Variants in AP3B1 observed in about 807,000 individuals in gnomAD.
AP3B1 encodes the protein AP-3 complex subunit beta-1.
In AP3B1, 61 loss-of-function variants were observed where a neutral mutation model predicts 132.5. The observed-to-expected ratio is 0.46, with a 90% CI of 0.37 to 0.57. AP3B1 has a LOEUF of 0.57. Among genes scored for constraint, AP3B1 ranks in the 20% least tolerant of loss-of-function variants. The probability of loss-of-function intolerance (pLI) is 0.00; values close to 1 mark genes in which losing one functional copy is unlikely to be tolerated. For missense variants in AP3B1, 1,120 were observed against 1,289.4 expected, an observed-to-expected ratio of 0.87 and a Z score of 2.01; for synonymous variants, 388 against 438.3, an observed-to-expected ratio of 0.89 and a Z score of 1.43.
chr5:78,152,834 C>G (rs1753729161), intron 14 of AP3B1, among the ~76,000 whole-genome samples: 1 of 152,012 alleles, frequency 6.6e-6, no homozygotes, highest in Non-Finnish European at 1.5e-5. Context: ...GTTTAATTTC[C>G]ATATGTTTAT....
At chr5:78,040,929 C>T (rs1352671160) in intron 22 of AP3B1, among the ~76,000 whole-genome samples, 1 of 152,146 alleles carries the variant, frequency 6.6e-6, no homozygotes, top group Non-Finnish European at 1.5e-5. Flanking sequence ...ATCATCAAAA[C>T]ATAGTATTCT....
At chr5:78,232,844 C>A (rs1746704838) in intron 3 of AP3B1, among the ~76,000 whole-genome samples, 1 of 151,908 alleles carries the variant, frequency 6.6e-6, no homozygotes, top group Non-Finnish European at 1.5e-5. Context: ...AAAGTTGGGA[C>A]CACAGGTGCA....
intron 1 of AP3B1, among the ~76,000 whole-genome samples, chr5:78,270,479 A>T (rs1044419860): frequency 1.3e-5 from 2 of 152,202 alleles, no homozygotes; most frequent in African/African-American, 4.8e-5. Flanking sequence ...TGCCCAAAAA[A>T]GGATGTATAA....
At chr5:78,264,174 C>T (rs973677104) in intron 2 of AP3B1, among the ~76,000 whole-genome samples, 1 of 152,238 alleles carries the variant, frequency 6.6e-6, no homozygotes, top group South Asian at 2.1e-4. Context: ...TGATGCATGA[C>T]TGTATTGAAT....
chr5:78,193,500 T>G (rs1037138412), intron 7 of AP3B1, among the ~76,000 whole-genome samples: 2 of 151,724 alleles, frequency 1.3e-5, no homozygotes, highest in Non-Finnish European at 2.9e-5. Context: ...TTTCCACTTA[T>G]TCCACTTGGT....
intron 26 of AP3B1, among the ~76,000 whole-genome samples, chr5:78,004,897 C>T (rs113095962): frequency 2.5e-4 from 38 of 152,274 alleles, no homozygotes; most frequent in Admixed American, 8.5e-4. Context: ...GCTTTTCAGA[C>T]GTACACATGA....
intron 17 of AP3B1, among the ~76,000 whole-genome samples, chr5:78,123,926 T>C (rs775220384): frequency 6.6e-5 from 10 of 152,170 alleles, no homozygotes; most frequent in Non-Finnish European, 1.0e-4. Context: ...CTATTCACAA[T>C]AGCAAAGACT....
At position 78,116,196 on chromosome 5, in the gene AP3B1, C is replaced by A. The variant is rs781781671; in HGVS notation, c.2007G>T (p.Glu669Asp). Reference protein sequence around the residue: ...EWTPAGKAKQENSAKKFYSES... With the variant: ...EWTPAGKAKQDNSAKKFYSES... Reference sequence around the variant, plus strand: ...CAGAATAAAACTTCTTAGCAGAATTCTCTTGCTTTGCTTTTCCTGCTGGGG... The same window carrying A: ...CAGAATAAAACTTCTTAGCAGAATTATCTTGCTTTGCTTTTCCTGCTGGGG... The change falls in exon 18 of 27, where the codon GAG becomes GAT. Residue 669 changes from glutamate (E) to aspartate (D), a missense_variant. Physicochemically the swap from Glu to Asp is conservative, Grantham distance 45. Around this residue, in one of 3 missense-constraint regions of AP3B1, gnomAD observed 906 missense variants for 997.1 expected, o/e 0.91. Transcript: ENST00000255194. 4.3e-6 allele frequency: 7 copies of A among 1,613,802 alleles called. No homozygotes were observed. In the East Asian group the frequency reaches 8.9e-5, roughly 21 times the overall value.
intron 2 of AP3B1, 82 bp from the exon 3 acceptor site, chr5:78,241,018 G>A (rs568758089): frequency 1.3e-5 from 13 of 963,902 alleles, no homozygotes; most frequent in East Asian, 5.2e-5. Flanking sequence ...AATAAGCTAC[G>A]TAATTAACCG....
chr5:78,118,825 A>G (rs996048283), intron 17 of AP3B1, among the ~76,000 whole-genome samples: 3 of 152,118 alleles, frequency 2.0e-5, no homozygotes, highest in African/African-American at 7.2e-5. Flanking sequence ...TGAAGAGAGG[A>G]GTGGTTTTCC....
At chr5:78,239,065 G>T (rs369088964) in intron 3 of AP3B1, among the ~76,000 whole-genome samples, 1 of 151,772 alleles carries the variant, frequency 6.6e-6, no homozygotes, top group African/African-American at 2.4e-5. Flanking sequence ...AAAAATAAAG[G>T]ATTTTTTTAT....
intron 3 of AP3B1, among the ~76,000 whole-genome samples, chr5:78,236,820 G>A (rs751616195): frequency 6.6e-5 from 10 of 151,896 alleles, no homozygotes; most frequent in Admixed American, 2.6e-4. Flanking sequence ...CAGATATTTG[G>A]ACTTTCTTAT....
chr5:78,233,485 C>T (rs1221416635), intron 3 of AP3B1, among the ~76,000 whole-genome samples: 2 of 151,006 alleles, frequency 1.3e-5, no homozygotes, highest in East Asian at 3.9e-4. Context: ...TCCGCCCACC[C>T]CGGCCTCCCA....
rs941221094 is a variant in AP3B1, at chr5:78,294,668, C to G, written c.-89G>C. 7 of 1,598,666 alleles carry G rather than the reference C, an allele frequency of 4.4e-6. No individual in the cohort carries two copies. The highest frequency in any genetic ancestry group is 3.3e-5 in the Admixed American group (2 of 59,936). On this transcript the variant is annotated 5_prime_UTR_variant, in exon 1 of 27. Transcript: ENST00000255194. ...CAGAGGGCACGGAACAAAACTAGTTCTCGTACGGAGGAGCGCGCGCAGGCG... is the reference window on the plus strand; with the variant it reads ...CAGAGGGCACGGAACAAAACTAGTTGTCGTACGGAGGAGCGCGCGCAGGCG...
At chr5:78,160,193 C>G (rs1039646948) in intron 13 of AP3B1, among the ~76,000 whole-genome samples, 4 of 152,070 alleles carry the variant, frequency 2.6e-5, no homozygotes, top group African/African-American at 7.2e-5. Context: ...AATAAATATC[C>G]TATTAATATA....
In AP3B1 at chr5:78,099,663, G is replaced by A. The variant is rs537272518; in HGVS notation, c.2470+1290C>T. Among the ~76,000 whole-genome samples, 11 of 152,292 alleles carry A rather than the reference G, an allele frequency of 7.2e-5. No individual in the cohort carries two copies. The South Asian group carries it at 2.1e-3, about 29-fold the overall frequency. The stretch of plus-strand genomic sequence containing the variant: ...TGTAATCCCAGCACGTTGGGAAGCC[G>A]AGGTGGGTGGATCACGAGGTCAGGA... On this transcript the variant is annotated intron_variant, in intron 21 of 26. Transcript: ENST00000255194.
chr5:78,199,810 A>G (rs1350266156), intron 7 of AP3B1, among the ~76,000 whole-genome samples: 1 of 152,170 alleles, frequency 6.6e-6, no homozygotes, highest in Non-Finnish European at 1.5e-5. Flanking sequence ...GTAGAAAACT[A>G]GATCTCCACA....
intron 21 of AP3B1, among the ~76,000 whole-genome samples, chr5:78,094,295 C>G (rs1750676965): frequency 6.6e-6 from 1 of 152,084 alleles, no homozygotes; most frequent in Admixed American, 6.5e-5. Flanking sequence ...TATCCTAGAA[C>G]AAATGTTTTC....
chr5:78,039,788 A>AAAAAG (rs1347109237), intron 22 of AP3B1, among the ~76,000 whole-genome samples: 17 of 147,140 alleles, frequency 1.2e-4, no homozygotes, highest in Non-Finnish European at 1.5e-4. Flanking sequence ...AAAAAAAAAA[A>AAAAAG]AAAAGAAAAG....
Sources: allele counts gnomAD v4.1 joint callset (sites outside exome capture counted in the v4.1 genomes callset), GRCh38; gene constraint gnomAD v4.1.1; regional missense constraint gnomAD v4.1.1; transcripts MANE v1.5; gene names NCBI Gene and HGNC (gene_info 2026-07-23, HGNC 2026-07-21).